The following TEX11 variants were observed in gnomAD, a reference collection of about 807,000 sequenced individuals.
The protein encoded by TEX11 is testis-expressed protein 11.
Under a neutral mutation model 84.4 loss-of-function variants are expected in TEX11, and 7 were observed. That is an observed-to-expected ratio of 0.08 (90% confidence interval 0.05 to 0.16). TEX11 has a LOEUF of 0.16. Among genes scored for constraint, TEX11 ranks in the 10% least tolerant of loss-of-function variants. TEX11 has a pLI of 1.00. For missense variants in TEX11, 551 were observed against 660.5 expected, an observed-to-expected ratio of 0.83 and a Z score of 1.82; for synonymous variants, 264 against 222.8, an observed-to-expected ratio of 1.18 and a Z score of -1.64.
intron 16 of TEX11, among the ~76,000 whole-genome samples, chrX:70,660,234 T>C (rs2089911644): frequency 8.9e-6 from 1 of 111,887 alleles, no homozygotes; most frequent in Admixed American, 9.5e-5. Context: ...TATTACTGTA[T>C]ACTACTGTAG....
At chrX:70,859,075 C>G (rs1222855621) in intron 5 of TEX11, among the ~76,000 whole-genome samples, 1 of 109,694 alleles carries the variant, frequency 9.1e-6, no homozygotes, top group Non-Finnish European at 1.9e-5. Context: ...CCAGTGGGGC[C>G]AGGAGTTTGC....
Position 70,639,558 on chromosome X carries a change from G to C in TEX11, c.1484-9823C>G, listed in dbSNP as rs368893888. Among the ~76,000 whole-genome samples, 3 of 111,870 alleles carry C rather than the reference G, an allele frequency of 2.7e-5. No individual in the cohort carries two copies. The East Asian group carries it at 8.5e-4, about 32-fold the overall frequency. On this transcript the variant is annotated intron_variant, in intron 17 of 29. Coordinates refer to ENST00000374333, the MANE Select transcript of TEX11 (RefSeq NM_031276.3). The stretch of plus-strand genomic sequence containing the variant: ...AAGAGAGCAGGGGTTCTCCCAGTAC[G>C]CAGCTGGAGATCTGAGAACGGGCAG...
chrX:70,515,529 A>G, the TEX11 span, among the ~76,000 whole-genome samples: 2 of 112,361 alleles, frequency 1.8e-5, no homozygotes, highest in African/African-American at 6.5e-5. Flanking sequence ...ACTGATGGAC[A>G]TTTGGGTTGG....
intron 28 of TEX11, among the ~76,000 whole-genome samples, chrX:70,548,672 C>G (rs933056303): frequency 1.8e-5 from 2 of 111,643 alleles, no homozygotes; most frequent in African/African-American, 6.5e-5. Flanking sequence ...GAAAGTAACA[C>G]TGGGCAGAAC....
intron 17 of TEX11, among the ~76,000 whole-genome samples, chrX:70,648,569 C>G (rs1162965830): frequency 9.1e-6 from 1 of 110,337 alleles, no homozygotes; most frequent in East Asian, 2.8e-4. Flanking sequence ...AAACAAAGTA[C>G]CCTATCTTAA....
At chrX:70,724,325 T>C in intron 12 of TEX11, 1 of 513,160 alleles carries the variant, frequency 1.9e-6, no homozygotes, top group Non-Finnish European at 2.4e-6. Flanking sequence ...CCAATACATT[T>C]GAGCTTCTGA....
intron 4 of TEX11, among the ~76,000 whole-genome samples, chrX:70,871,989 TAAA>T (rs747656753): frequency 1.1e-5 from 1 of 92,693 alleles, no homozygotes; most frequent in Non-Finnish European, 2.1e-5. Flanking sequence ...TGCCGTCCCT[TAAA>T]AAAAAAAAAG....
intron 28 of TEX11, among the ~76,000 whole-genome samples, chrX:70,545,249 T>C (rs941348908): frequency 2.7e-5 from 3 of 112,490 alleles, no homozygotes; most frequent in African/African-American, 6.5e-5. Flanking sequence ...TTTGACTCTT[T>C]TGTAATAACA....
At chrX:70,806,835 C>A in intron 8 of TEX11, 45 bp from the exon 9 acceptor site, 1 of 987,380 alleles carries the variant, frequency 1.0e-6, no homozygotes, top group South Asian at 2.1e-5. Context: ...TTCCTTAAAT[C>A]CCAACACACT....
At chrX:70,607,652 C>T (rs2089210571) in intron 22 of TEX11, among the ~76,000 whole-genome samples, 2 of 111,068 alleles carry the variant, frequency 1.8e-5, no homozygotes, top group Admixed American at 9.6e-5. Context: ...CTCACTAACT[C>T]GCAGTGGTGA....
Position 70,814,540 on chromosome X carries a change from A to G in TEX11, c.607-7750T>C, listed in dbSNP as rs185258238. Reference sequence around the variant, plus strand: ...ATTCATTTATGTGCCAAGAGATTCAATGTTACTACAGAGAGAAATGTACAG... The same window carrying G: ...ATTCATTTATGTGCCAAGAGATTCAGTGTTACTACAGAGAGAAATGTACAG... On this transcript the variant is annotated intron_variant, in intron 8 of 29. Coordinates refer to ENST00000374333, the MANE Select transcript of TEX11 (RefSeq NM_031276.3). Among the ~76,000 whole-genome samples, 185 of 112,752 alleles carry G rather than the reference A, an allele frequency of 1.6e-3. 3 individuals carry two copies. The highest frequency in any genetic ancestry group is 5.2e-4 in the Non-Finnish European group (28 of 53,358).
At chrX:70,707,212 C>T (rs952585875) in intron 13 of TEX11, among the ~76,000 whole-genome samples, 1 of 110,473 alleles carries the variant, frequency 9.1e-6, no homozygotes, top group Non-Finnish European at 1.9e-5. Context: ...TGTTCCTAGT[C>T]CATGATGGTC....
chrX:70,640,004 G>A (rs1468176458), intron 17 of TEX11, among the ~76,000 whole-genome samples: 6 of 109,227 alleles, frequency 5.5e-5, no homozygotes, highest in Non-Finnish European at 1.1e-4. Flanking sequence ...CAAAGGCAAA[G>A]AAGTTGAAAA....
chrX:70,601,790 C>T (rs1201487211), intron 24 of TEX11, among the ~76,000 whole-genome samples: 7 of 99,596 alleles, frequency 7.0e-5, no homozygotes, highest in African/African-American at 2.2e-4. Context: ...CATCTTGCAC[C>T]GCCCTTAATC....
At chrX:70,613,199 G>C (rs777889505) in intron 20 of TEX11, among the ~76,000 whole-genome samples, 5 of 111,658 alleles carry the variant, frequency 4.5e-5, no homozygotes, top group Non-Finnish European at 9.4e-5. Context: ...TTTAACCACT[G>C]TCTACATACA....
At chrX:70,873,874 TA>T (rs2091642051) in intron 3 of TEX11, among the ~76,000 whole-genome samples, 1 of 111,967 alleles carries the variant, frequency 8.9e-6, no homozygotes, top group Admixed American at 9.6e-5. Context: ...ACAGATGATT[TA>T]TTTAACATGT....
At chrX:70,885,642 A>G (rs2091704023) in intron 2 of TEX11, among the ~76,000 whole-genome samples, 1 of 111,409 alleles carries the variant, frequency 9.0e-6, no homozygotes, top group African/African-American at 3.3e-5. Flanking sequence ...CTGTAATCCC[A>G]GCACATTGGG....
At chrX:70,825,902 C>T (rs1057469300) in intron 8 of TEX11, among the ~76,000 whole-genome samples, 2 of 111,252 alleles carry the variant, frequency 1.8e-5, no homozygotes, top group Admixed American at 1.9e-4. Context: ...GGCTTGAACC[C>T]GGGAGACAGA....
intron 11 of TEX11, among the ~76,000 whole-genome samples, chrX:70,737,305 A>G (rs1327228664): frequency 9.0e-6 from 1 of 111,472 alleles, no homozygotes; most frequent in Admixed American, 9.6e-5. Flanking sequence ...CCAAAATGAA[A>G]CAAAAATAAC....
Sources: gnomAD v4.1 joint callset for allele counts (sites outside exome capture counted in the v4.1 genomes callset) on GRCh38, gnomAD v4.1.1 for gene constraint, MANE v1.5 for transcripts, NCBI Gene and HGNC (gene_info 2026-07-23, HGNC 2026-07-21) for gene names.